CORO2A: variants seen among roughly 807,000 people sequenced by gnomAD.
CORO2A encodes coronin-2A.
CORO2A carries 47 observed loss-of-function variants against 62.4 expected under a neutral mutation model. The ratio of observed to expected loss-of-function variants is 0.75; its 90% CI spans 0.60 to 0.96. The LOEUF is 0.96. Ranked by LOEUF, CORO2A falls within the 40% of genes least tolerant of loss-of-function variation. The pLI, the probability that CORO2A is intolerant of heterozygous loss-of-function variation, is 0.00. For missense variants in CORO2A, 610 were observed against 684.1 expected (o/e 0.89, Z 1.21); for synonymous variants, 273 against 268.9 (o/e 1.02, Z -0.15).
chr9:98,182,949 C>G (rs1022487202), intron 1 of CORO2A, among the ~76,000 whole-genome samples: 1 of 152,188 alleles, frequency 6.6e-6, no homozygotes, highest in Non-Finnish European at 1.5e-5. Context: ...AATGAAATAC[C>G]GCAGTAGCTT....
intron 1 of CORO2A, among the ~76,000 whole-genome samples, chr9:98,180,210 G>GCCAA (rs1828160394): frequency 6.6e-6 from 1 of 152,110 alleles, no homozygotes; most frequent in Admixed American, 6.5e-5. Context: ...AGCCAAACCA[G>GCCAA]ACCCTACGTT....
chr9:98,186,216 G>T (rs765523235), intron 1 of CORO2A, among the ~76,000 whole-genome samples: 4 of 151,536 alleles, frequency 2.6e-5, no homozygotes, highest in Non-Finnish European at 5.9e-5. Flanking sequence ...GCTGAGCAAG[G>T]CCCCATCTCT....
chr9:98,183,611 C>A (rs756310990), intron 1 of CORO2A, among the ~76,000 whole-genome samples: 1 of 151,956 alleles, frequency 6.6e-6, no homozygotes, highest in Non-Finnish European at 1.5e-5. Context: ...GGAAAATATT[C>A]GAAAAAATTA....
At position 98,124,807 on chromosome 9, in the gene CORO2A, G is replaced by T; in HGVS notation, c.1545C>A (p.Ile515=). ...EVQAKQLELE[I]KNLRMGSEQL is the part of the protein sequence containing the mutation. ...GCTCTGAGCCCATCCGCAAGTTTTTGATCTCCAGTTCCAACTGTTTGGCCT... is the reference window on the plus strand; with the variant it reads ...GCTCTGAGCCCATCCGCAAGTTTTTTATCTCCAGTTCCAACTGTTTGGCCT... Residue 515 remains isoleucine (I), a synonymous_variant, in exon 12 of 12, where the codon ATC becomes ATA. Coordinates refer to ENST00000375077, the MANE Select transcript of CORO2A (RefSeq NM_052820.4). 6.2e-7 allele frequency: 1 copy of T among 1,611,620 alleles called. No individual in the cohort carries two copies. Among genetic ancestry groups the T allele is most frequent in the South Asian group, 1.1e-5 (1 of 90,360 alleles).
chr9:98,152,189 A>G (rs1827735575), intron 2 of CORO2A, among the ~76,000 whole-genome samples: 4 of 150,294 alleles, frequency 2.7e-5, no homozygotes, highest in Admixed American at 2.0e-4. Context: ...TAGTTAGAGG[A>G]CTATTCAGGC....
At chr9:98,126,853 G>T (rs78879445) in intron 10 of CORO2A, 30 bp from the exon 11 acceptor site, 2 of 1,613,360 alleles carry the variant, frequency 1.2e-6, no homozygotes, top group Non-Finnish European at 1.7e-6. Context: ...ATGTGAGGAC[G>T]GGGTGCCCAC....
chr9:98,175,488 G>C (rs1828095769), intron 1 of CORO2A, among the ~76,000 whole-genome samples: 1 of 152,168 alleles, frequency 6.6e-6, no homozygotes, highest in Non-Finnish European at 1.5e-5. Context: ...CCAGTGACCC[G>C]GCTCCAGTAG....
chr9:98,156,983 G>C (rs1185891471), intron 2 of CORO2A, among the ~76,000 whole-genome samples: 1 of 152,146 alleles, frequency 6.6e-6, no homozygotes, highest in Non-Finnish European at 1.5e-5. Flanking sequence ...GGTCAAACCA[G>C]TTGAATATCC....
intron 1 of CORO2A, among the ~76,000 whole-genome samples, chr9:98,174,658 A>G (rs867364855): frequency 2.6e-5 from 4 of 152,074 alleles, no homozygotes; most frequent in Admixed American, 1.3e-4. Context: ...TTCTCATGAG[A>G]TCTGATGGTT....
At chr9:98,177,898 TAAAC>T (rs1219669153) in intron 1 of CORO2A, among the ~76,000 whole-genome samples, 2 of 152,184 alleles carry the variant, frequency 1.3e-5, no homozygotes, top group Admixed American at 1.3e-4. Flanking sequence ...TCCCCTAACA[TAAAC>T]AAACAAACAA....
intron 2 of CORO2A, among the ~76,000 whole-genome samples, chr9:98,151,381 T>C (rs567409111): frequency 6.6e-6 from 1 of 152,344 alleles, no homozygotes; most frequent in South Asian, 2.1e-4. Flanking sequence ...CTTTTAACAA[T>C]GTTCTATCAT....
chr9:98,141,274 G>T (rs367968563), intron 2 of CORO2A, among the ~76,000 whole-genome samples: 1 of 151,812 alleles, frequency 6.6e-6, no homozygotes, highest in Non-Finnish European at 1.5e-5. Context: ...CTGGCAGGGC[G>T]GTACCTGGAG....
chr9:98,136,092 C>T (rs1827483392), intron 3 of CORO2A, among the ~76,000 whole-genome samples: 1 of 152,246 alleles, frequency 6.6e-6, no homozygotes, highest in African/African-American at 2.4e-5. Flanking sequence ...CCCCAACAGT[C>T]ACGTCCTGCC....
At chr9:98,179,290 A>G (rs1376011355) in intron 1 of CORO2A, among the ~76,000 whole-genome samples, 1 of 152,224 alleles carries the variant, frequency 6.6e-6, no homozygotes, top group Non-Finnish European at 1.5e-5. Context: ...CAGCCACAGC[A>G]GTGACCCTGC....
intron 1 of CORO2A, among the ~76,000 whole-genome samples, chr9:98,163,120 G>A (rs377238503): frequency 2.6e-5 from 4 of 152,352 alleles, no homozygotes; most frequent in South Asian, 4.1e-4. Flanking sequence ...ATTAGGCTCC[G>A]GGGCCTGTGA....
intron 1 of CORO2A, among the ~76,000 whole-genome samples, chr9:98,173,044 G>A (rs1828059755): frequency 6.6e-6 from 1 of 152,228 alleles, no homozygotes; most frequent in East Asian, 1.9e-4. Context: ...GGTGGCTCAC[G>A]CTTGTAACCC....
chr9:98,154,344 T>TAC (rs1341446795), intron 2 of CORO2A, among the ~76,000 whole-genome samples: 1 of 123,390 alleles, frequency 8.1e-6, no homozygotes, highest in Non-Finnish European at 1.7e-5. Flanking sequence ...TATATATATA[T>TAC]ATATATATAC....
chr9:98,128,091 C>T (rs1827352515), intron 10 of CORO2A, 79 bp downstream of exon 10: 2 of 1,169,136 alleles, frequency 1.7e-6, no homozygotes, highest in Non-Finnish European at 2.5e-6. Context: ...CCAGGCCCAA[C>T]CCCTCTCAAT....
At chr9:98,139,590 G>A (rs1422446842) in intron 2 of CORO2A, among the ~76,000 whole-genome samples, 1 of 152,196 alleles carries the variant, frequency 6.6e-6, no homozygotes, top group African/African-American at 2.4e-5. Flanking sequence ...TTGTGCCACT[G>A]CGTTCCAGCC....
Sources: allele counts gnomAD v4.1 joint callset (sites outside exome capture counted in the v4.1 genomes callset), GRCh38; gene constraint gnomAD v4.1.1; transcripts MANE v1.5; gene names NCBI Gene and HGNC (gene_info 2026-07-23, HGNC 2026-07-21).